Variants in IL17RC observed in about 807,000 individuals in gnomAD.
IL17RC encodes interleukin 17 receptor C, also known as interleukin-17 receptor C.
IL17RC carries 53 observed loss-of-function variants against 86.7 expected under a neutral mutation model. The ratio of observed to expected loss-of-function variants is 0.61; its 90% confidence interval spans 0.49 to 0.77. The LOEUF is 0.77. IL17RC is among the 30% of genes least tolerant of loss of function. The probability of loss-of-function intolerance (pLI) is 0.00; values close to 1 mark genes in which losing one functional copy is unlikely to be tolerated. For synonymous variants in IL17RC, 439 were observed against 413.1 expected (o/e 1.06, Z -0.76); for missense variants, 957 against 940.0 (o/e 1.02, Z -0.24).
Position 9,929,910 on chromosome 3 carries a change from T to C in IL17RC, c.1156+13T>C. The C allele has an allele frequency of 6.2e-7, 1 of 1,614,020 alleles. No homozygotes were observed. Among genetic ancestry groups the C allele is most frequent in the Non-Finnish European group, 8.5e-7 (1 of 1,179,952 alleles). On this transcript the variant is annotated intron_variant, in intron 13 of 18. Transcript: ENST00000403601. ...TGCTTGTGGGCTGGTGAGTTGGGCCTGGGGGCAGCTGGGGCAGGGCCACCT... is the reference window on the plus strand; with the variant it reads ...TGCTTGTGGGCTGGTGAGTTGGGCCCGGGGGCAGCTGGGGCAGGGCCACCT...
At chr3:9,927,826 G>C (rs908091861) in intron 9 of IL17RC, among the ~76,000 whole-genome samples, 1 of 151,920 alleles carries the variant, frequency 6.6e-6, no homozygotes, top group Admixed American at 6.6e-5. Context: ...GCATGTTCCT[G>C]TAATCGCAGC....
Position 9,924,027 on chromosome 3 carries a change from C to T in IL17RC, c.762+7C>T. The T allele has an allele frequency of 6.2e-7, 1 of 1,613,216 alleles. No individual in the cohort carries two copies. The highest frequency in any genetic ancestry group is 8.5e-7 in the Non-Finnish European group (1 of 1,180,016). On this transcript the variant is annotated splice_region_variant and intron_variant, in intron 8 of 18. Transcript: ENST00000403601. ...CCGGTGGCACAAAAACCTGGTGAGG[C>T]CTCCCCCTTCCCAAGTCCATTCCCA... is the stretch of plus-strand genomic sequence containing the variant.
rs1021767847 is a variant in IL17RC, at chr3:9,930,684, G to A, written c.1339-211G>A. ...GTTTTGGGTTCCAGGGAGAGCTTCC[G>A]GGAAGAATTTCTTCCTATAAGCCAG... On this transcript the variant is annotated intron_variant, in intron 15 of 18. Transcript: ENST00000403601. This position sits in a 1 kb window ranked among gnomAD's most constrained non-coding sequence, Gnocchi z 5.8. The A allele has an allele frequency of 7.7e-5, 52 of 671,448 alleles. No homozygotes were observed. Among genetic ancestry groups the A allele is most frequent in the African/African-American group, 4.7e-4 (26 of 55,374 alleles). The allele number at this position is 671,448 out of a possible 1,614,324, so 41.6% of individuals were successfully genotyped here.
At chr3:9,925,731 A>G (rs2083998577) in intron 9 of IL17RC, among the ~76,000 whole-genome samples, 1 of 151,838 alleles carries the variant, frequency 6.6e-6, no homozygotes, top group Admixed American at 6.6e-5. Flanking sequence ...GGTGGTTCCC[A>G]TTACCTCAAA....
At position 9,932,969 on chromosome 3, in the gene IL17RC, C is replaced by G. The variant is rs1396548528; in HGVS notation, c.1539C>G (p.Arg513=). ...DVRSGAAARG[R]AALLLYSADD... is the part of the protein sequence containing the mutation. Reference sequence around the variant, plus strand: ...CTCCGGCAGCGGCCGCCAGGGGCCGCGCGGCTCTGCTCCTCTACTCAGCCG... The same window carrying G: ...CTCCGGCAGCGGCCGCCAGGGGCCGGGCGGCTCTGCTCCTCTACTCAGCCG... The change falls in exon 19 of 19, where the codon CGC becomes CGG. Residue 513 remains arginine (R), a synonymous_variant. Coordinates refer to ENST00000403601, the MANE Select transcript of IL17RC (RefSeq NM_153460.4). 6.2e-7 allele frequency: 1 copy of G among 1,606,012 alleles called. No individual in the cohort carries two copies. Among genetic ancestry groups the G allele is most frequent in the Non-Finnish European group, 8.5e-7 (1 of 1,177,826 alleles).
At chr3:9,925,859 A>AT (rs2084015454) in intron 9 of IL17RC, among the ~76,000 whole-genome samples, 2 of 140,458 alleles carry the variant, frequency 1.4e-5, no homozygotes, top group African/African-American at 5.7e-5. Context: ...TATTTTCTTA[A>AT]ATTTTTTTTT....
Position 9,923,942 on chromosome 3 carries a change from T to C in IL17RC, c.684T>C (p.Ser228=), listed in dbSNP as rs2083818978. ...ACGTGCATCTGGTTCTGAATGTCTC[T>C]GAGGAGCAGCACTTCGGCCTCTCCC... ...GDNVHLVLNV[S]EEQHFGLSLY... is the part of the protein sequence containing the mutation. Residue 228 remains serine (S), a synonymous_variant, in exon 8 of 19, where the codon TCT becomes TCC. Coordinates refer to ENST00000403601, the MANE Select transcript of IL17RC (RefSeq NM_153460.4). 2 of 1,614,218 alleles carry C rather than the reference T, an allele frequency of 1.2e-6. No individual in the cohort carries two copies. Among genetic ancestry groups the C allele is most frequent in the East Asian group, 4.5e-5 (2 of 44,884 alleles).
rs746033747 is a variant in IL17RC, at chr3:9,917,732, G to A, written c.125G>A (p.Trp42Ter). The A allele has an allele frequency of 8.1e-6, 13 of 1,613,600 alleles. No individual in the cohort carries two copies. In the East Asian group the frequency reaches 2.7e-4, roughly 33 times the overall value. Residue 42 changes from tryptophan (W) to a stop codon, truncating the protein, a stop_gained and splice_region_variant, in exon 2 of 19, where the codon TGG becomes TAG. Transcript: ENST00000403601. LOFTEE classifies it high-confidence loss of function. ...HCSPGLSCRL[W>*]DSDILCLPGD... Reference sequence around the variant, plus strand: ...TCCCAGGGCCTCTCCTGCCGCCTCTGGGGTAAGTATCCCTACTTTTAAAAA... The same window carrying A: ...TCCCAGGGCCTCTCCTGCCGCCTCTAGGGTAAGTATCCCTACTTTTAAAAA...
chr3:9,928,509 C>T (rs201265369), intron 11 of IL17RC, 23 bp downstream of exon 11: 4 of 1,613,588 alleles, frequency 2.5e-6, no homozygotes, highest in Middle Eastern at 1.7e-4. Flanking sequence ...GAGGGCACCT[C>T]CCGTGGTGAG....
Position 9,917,962 on chromosome 3 carries a change from C to G in IL17RC, c.167C>G (p.Ala56Gly). ...TGCCTGCCTGGGGACATCGTGCCTG[C>G]TCCGGGCCCCGTGCTGGCGCCTACG... ...ILCLPGDIVP[A>G]PGPVLAPTHL... Residue 56 changes from alanine to glycine, a missense_variant, in exon 3 of 19, where the codon GCT (alanine) becomes GGT (glycine). Physicochemically the swap from Ala to Gly is moderately conservative, Grantham distance 60 (BLOSUM62 0). Coordinates refer to ENST00000403601, the MANE Select transcript of IL17RC (RefSeq NM_153460.4). 1 of 1,613,720 alleles carries G rather than the reference C, an allele frequency of 6.2e-7. No individual in the cohort carries two copies. The highest frequency in any genetic ancestry group is 8.5e-7 in the Non-Finnish European group (1 of 1,180,026).
rs2083235342 is a variant in IL17RC, at chr3:9,917,916, C to T, written c.128-7C>T. ...GCTTCAGCTCCCACCCGCTCCTCCA[C>T]ACACAGACAGTGACATACTCTGCCT... is the stretch of plus-strand genomic sequence containing the variant. On this transcript the variant is annotated splice_polypyrimidine_tract_variant and splice_region_variant and intron_variant, in intron 2 of 18. Transcript: ENST00000403601. The T allele has an allele frequency of 1.9e-6, 3 of 1,613,106 alleles. No homozygotes were observed. The highest frequency in any genetic ancestry group is 1.1e-5 in the South Asian group (1 of 91,086).
intron 9 of IL17RC, among the ~76,000 whole-genome samples, 158 bp downstream of exon 9, chr3:9,924,449 A>G (rs1056184766): frequency 2.6e-5 from 4 of 152,038 alleles, no homozygotes; most frequent in African/African-American, 7.3e-5. Context: ...TTGCTGTCCT[A>G]TGCCTTCTGT....
Position 9,930,065 on chromosome 3 carries a change from G to A in IL17RC, c.1194G>A (p.Leu398=). 3 of 1,614,100 alleles carry A rather than the reference G, an allele frequency of 1.9e-6. No homozygotes were observed. The highest frequency in any genetic ancestry group is 2.5e-6 in the Non-Finnish European group (3 of 1,180,000). Residue 398 remains leucine (L), a synonymous_variant, in exon 14 of 19, where the codon TTG becomes TTA. Transcript: ENST00000403601. The surrounding 1 kb of genome is among the most constrained non-coding windows in gnomAD (Gnocchi z 5.8). ...CTCTCAAAGACGATGTGCTACTGTT[G>A]GAGACACGAGGCCCCCAGGACAACA... ...LGPLKDDVLL[L]ETRGPQDNRS...
At chr3:9,928,518 AG>A (rs1196196977) in intron 11 of IL17RC, 32 bp downstream of exon 11, 2 of 1,613,540 alleles carry the variant, frequency 1.2e-6, no homozygotes, top group African/African-American at 2.7e-5. Context: ...TCCCGTGGTG[AG>A]GGGAGAGTGG....
chr3:9,924,802 T>C (rs2083905342), intron 9 of IL17RC, among the ~76,000 whole-genome samples: 2 of 152,120 alleles, frequency 1.3e-5, no homozygotes, highest in African/African-American at 2.4e-5. Flanking sequence ...TCTTCCTCTG[T>C]ACATTTATTT....
In IL17RC at chr3:9,918,587, T is replaced by A. The variant is rs942659140; in HGVS notation, c.443T>A (p.Leu148His). Residue 148 changes from leucine to histidine, a missense_variant, in exon 5 of 19, where the codon CTT (leucine) becomes CAT (histidine). Transcript: ENST00000403601. ...CTGGAGGTGCAAGTGCCTGCTGCCC[T>A]TGTGCAGTTTGGTCAGTCTGTGGTA... ...VLLEVQVPAALVQFGQSVGSV... is the reference protein window; with the variant it reads ...VLLEVQVPAAHVQFGQSVGSV... 6.2e-7 allele frequency: 1 copy of A among 1,613,512 alleles called. No homozygotes were observed. The highest frequency in any genetic ancestry group is 1.3e-5 in the African/African-American group (1 of 74,932).
chr3:9,917,289 G>T lies in IL17RC; in HGVS notation c.-27G>T. ...GGGGGGGGGCAGCACAGGGCCTCAG[G>T]CCTGGGTGCCACCTGGCACCTAGAA... On this transcript the variant is annotated 5_prime_UTR_variant, in exon 1 of 19. Coordinates refer to ENST00000403601, the MANE Select transcript of IL17RC (RefSeq NM_153460.4). 1 of 1,599,022 alleles carries T rather than the reference G, an allele frequency of 6.3e-7. No homozygotes were observed. Among genetic ancestry groups the T allele is most frequent in the East Asian group, 2.2e-5 (1 of 44,682 alleles).
rs1002749870 is a variant in IL17RC, at chr3:9,929,553, G to A, written c.1111-299G>A. On this transcript the variant is annotated intron_variant, in intron 12 of 18. Transcript: ENST00000403601. ...GGACTGGGGTTGCAATTTTTAGCAG[G>A]GTGGTCATGTGAGAAAGGAATCTCT... 2.1e-4 allele frequency: 90 copies of A among 437,102 alleles called. 3 individuals are homozygous for A. The East Asian group carries it at 3.7e-3, about 18-fold the overall frequency. 27.1% of individuals were successfully genotyped at this position (437,102 alleles called of 1,614,324 possible). A position where few individuals can be genotyped will look rare whatever the true frequency, so the allele number is the denominator to read the frequency against.
At chr3:9,919,519 G>A (rs967908482) in intron 5 of IL17RC, among the ~76,000 whole-genome samples, 25 of 152,090 alleles carry the variant, frequency 1.6e-4, no homozygotes, top group African/African-American at 5.3e-4. Context: ...GGTGGTGGGC[G>A]CCTGTAGACC....
Sources: allele counts gnomAD v4.1 joint callset (sites outside exome capture counted in the v4.1 genomes callset), GRCh38; gene constraint gnomAD v4.1.1; non-coding constraint Gnocchi (gnomAD v3.1); transcripts MANE v1.5; gene names NCBI Gene and HGNC (gene_info 2026-07-23, HGNC 2026-07-21).